The following THRB variants were observed in gnomAD, a reference collection of about 807,000 sequenced individuals.
The protein encoded by THRB is thyroid hormone receptor beta.
In THRB, 12 loss-of-function variants were observed where a neutral mutation model predicts 47.8. The observed-to-expected ratio is 0.25, with a 90% confidence interval of 0.16 to 0.41. The LOEUF is 0.41. THRB is among the 10% of genes least tolerant of loss of function. THRB has a pLI of 1.00. For missense variants in THRB, 348 were observed against 589.2 expected (o/e 0.59, Z 4.24); for synonymous variants, 218 against 212.2 (o/e 1.03, Z -0.24).
intron 6 of THRB, among the ~76,000 whole-genome samples, chr3:24,152,000 TCTC>T (rs1378681031): frequency 6.6e-6 from 1 of 152,154 alleles, no homozygotes; most frequent in Non-Finnish European, 1.5e-5. Context: ...GTAAACTCTG[TCTC>T]CTCCAACACT....
At position 24,355,898 on chromosome 3, in the gene THRB, A is replaced by G. The variant is rs1480469913; in HGVS notation, c.-260-18527T>C. 5.9e-5 allele frequency among the ~76,000 whole-genome samples: 9 copies of G among 152,158 alleles called. 1 individual carries two copies. The highest frequency in any genetic ancestry group is 5.9e-4 in the Admixed American group (9 of 15,268). ...GCTATATGAAAAATACCTTCATTCTATTCCAATGGTTCCCCAAGTCTTAAC... is the reference window on the plus strand; with the variant it reads ...GCTATATGAAAAATACCTTCATTCTGTTCCAATGGTTCCCCAAGTCTTAAC... On this transcript the variant is annotated intron_variant, in intron 1 of 10. Coordinates refer to ENST00000646209, the MANE Select transcript of THRB (RefSeq NM_001354712.2).
chr3:24,471,821 G>A (rs376573783), intron 1 of THRB, among the ~76,000 whole-genome samples: 3 of 152,080 alleles, frequency 2.0e-5, no homozygotes, highest in East Asian at 3.9e-4. Flanking sequence ...ATTACACCAC[G>A]GAAGACTTAC....
intron 9 of THRB, among the ~76,000 whole-genome samples, chr3:24,130,558 G>T (rs1295484064): frequency 6.6e-6 from 1 of 152,078 alleles, no homozygotes; most frequent in African/African-American, 2.4e-5. Context: ...CAAGAACTGG[G>T]GGCAAAGGGA....
At chr3:24,475,719 A>C (rs73036449) in intron 1 of THRB, among the ~76,000 whole-genome samples, 401 of 152,262 alleles carry the variant, frequency 2.6e-3, no homozygotes, top group Admixed American at 4.3e-3. Flanking sequence ...CTATCAAGCA[A>C]ATTATTTTAA....
chr3:24,166,995 G>GA (rs911958279), intron 5 of THRB, among the ~76,000 whole-genome samples: 33 of 148,676 alleles, frequency 2.2e-4, no homozygotes, highest in East Asian at 3.9e-4. Flanking sequence ...TGGCTGTTCA[G>GA]AAAAAAAAAA....
intron 1 of THRB, among the ~76,000 whole-genome samples, chr3:24,409,454 T>C (rs1222842042): frequency 6.6e-6 from 1 of 151,842 alleles, no homozygotes. Context: ...TCTGGATTCA[T>C]ACAGAACTAA....
chr3:24,138,398 C>T (rs748345817), intron 8 of THRB, among the ~76,000 whole-genome samples: 4 of 151,364 alleles, frequency 2.6e-5, no homozygotes, highest in South Asian at 2.1e-4. Context: ...GGTGGCAGTG[C>T]GGGGTGTGGG....
intron 4 of THRB, among the ~76,000 whole-genome samples, chr3:24,196,683 G>A (rs1385816249): frequency 2.0e-5 from 3 of 152,176 alleles, no homozygotes; most frequent in Non-Finnish European, 4.4e-5. Context: ...CAGAAGTTGT[G>A]TTTTAAAGAG....
At chr3:24,192,388 G>A (rs1465955397) in intron 4 of THRB, among the ~76,000 whole-genome samples, 2 of 152,068 alleles carry the variant, frequency 1.3e-5, no homozygotes, top group African/African-American at 2.4e-5. Context: ...TATGGTGTCT[G>A]CTTTATTTTC....
At chr3:24,449,336 A>G (rs1390248553) in intron 1 of THRB, among the ~76,000 whole-genome samples, 1 of 152,134 alleles carries the variant, frequency 6.6e-6, no homozygotes, top group Non-Finnish European at 1.5e-5. Flanking sequence ...ATTAATATTC[A>G]ATATGTCACA....
chr3:24,416,803 A>G (rs1311092714), intron 1 of THRB, among the ~76,000 whole-genome samples: 2 of 151,802 alleles, frequency 1.3e-5, no homozygotes, highest in Non-Finnish European at 2.9e-5. Context: ...CACAGAATCA[A>G]TCTCCTAAGG....
In THRB at chr3:24,143,539, C is replaced by T. The variant is rs121918694; in HGVS notation, c.700G>A (p.Ala234Thr). 6.2e-7 allele frequency: 1 copy of T among 1,614,212 alleles called. No homozygotes were observed. The highest frequency in any genetic ancestry group is 8.5e-7 in the Non-Finnish European group (1 of 1,180,032). The change falls in exon 8 of 11, where the codon GCC becomes ACC. Residue 234 changes from alanine to threonine, a missense_variant. This residue lies in a region of THRB where 112 missense variants were observed against 212.3 expected (regional missense o/e 0.53). Transcript: ENST00000646209. ...TVTEAHVATN[A>T]QGSHWKQKRK... ...TTTTGCTTCCAGTGGCTGCCTTGGGCGTTGGTCGCCACATGGGCTTCGGTG... is the reference window on the plus strand; with the variant it reads ...TTTTGCTTCCAGTGGCTGCCTTGGGTGTTGGTCGCCACATGGGCTTCGGTG...
At chr3:24,478,050 C>T (rs540412627) in intron 1 of THRB, among the ~76,000 whole-genome samples, 1 of 151,858 alleles carries the variant, frequency 6.6e-6, no homozygotes, top group Non-Finnish European at 1.5e-5. Context: ...GTCTATGTTC[C>T]TAAAAATATG....
chr3:24,414,457 A>C (rs891865424), intron 1 of THRB, among the ~76,000 whole-genome samples: 1 of 151,888 alleles, frequency 6.6e-6, no homozygotes, highest in East Asian at 1.9e-4. Context: ...CAATCAAGGG[A>C]AAATATGCTT....
chr3:24,390,602 C>A (rs189101261), intron 1 of THRB, among the ~76,000 whole-genome samples: 1 of 151,820 alleles, frequency 6.6e-6, no homozygotes, highest in African/African-American at 2.4e-5. Flanking sequence ...CTCTGTATGT[C>A]TCACAAGGAA....
At chr3:24,350,549 A>C (rs2063300128) in intron 1 of THRB, among the ~76,000 whole-genome samples, 1 of 152,168 alleles carries the variant, frequency 6.6e-6, no homozygotes, top group Non-Finnish European at 1.5e-5. Flanking sequence ...AATATGCCAG[A>C]CACAAGAAAG....
intron 9 of THRB, among the ~76,000 whole-genome samples, chr3:24,129,198 C>T (rs914076104): frequency 1.3e-5 from 2 of 152,228 alleles, no homozygotes; most frequent in African/African-American, 2.4e-5. Context: ...TCTCCTTCCG[C>T]TCATTTTTTA....
chr3:24,300,889 TC>T (rs1271686236), intron 2 of THRB, among the ~76,000 whole-genome samples: 1 of 152,074 alleles, frequency 6.6e-6, no homozygotes, highest in Non-Finnish European at 1.5e-5. Flanking sequence ...CATGTGGTAA[TC>T]CCCCAAAACT....
chr3:24,428,526 A>T (rs562112106), intron 1 of THRB, among the ~76,000 whole-genome samples: 1 of 152,052 alleles, frequency 6.6e-6, no homozygotes, highest in Non-Finnish European at 1.5e-5. Context: ...CAGTTTCACC[A>T]GGTGGTGGCA....
Sources: gnomAD v4.1 joint callset for allele counts (sites outside exome capture counted in the v4.1 genomes callset) on GRCh38, gnomAD v4.1.1 for gene constraint, gnomAD v4.1.1 regional missense constraint, MANE v1.5 for transcripts, NCBI Gene and HGNC (gene_info 2026-07-23, HGNC 2026-07-21) for gene names.